Variants in ZNF91 observed in about 807,000 individuals in gnomAD.
ZNF91 encodes zinc finger protein 91 (HPF7, HTF10).
Under a neutral mutation model 12.6 loss-of-function variants are expected in ZNF91, and 7 were observed. The ratio of observed to expected loss-of-function variants is 0.55; its 90% CI spans 0.31 to 1.04. The LOEUF is 1.04. Among genes scored for constraint, ZNF91 ranks in the 50% least tolerant of loss-of-function variants. The pLI is 0.05. For synonymous variants in ZNF91, 453 were observed against 462.6 expected, an observed-to-expected ratio of 0.98 and a Z score of 0.27; for missense variants, 1,217 against 1,385.4, an observed-to-expected ratio of 0.88 and a Z score of 1.93.
intron 3 of ZNF91, among the ~76,000 whole-genome samples, chr19:23,363,327 C>T (rs147580326): frequency 8.5e-5 from 13 of 152,130 alleles, no homozygotes; most frequent in South Asian, 6.2e-4. Flanking sequence ...TGAAAGAAAC[C>T]GTGGCATAAT....
chr19:23,323,858 ATTC>A (rs1378225531), intron 1 of ZNF91: 3 of 101,110 alleles, frequency 3.0e-5, no homozygotes, highest in African/African-American at 9.0e-5. Context: ...TCCTCCTCCT[ATTC>A]TTCTCCTCTT....
chr19:23,362,107 T>C lies in ZNF91; in HGVS notation c.872A>G (p.Glu291Gly). 2.5e-6 allele frequency: 4 copies of C among 1,614,106 alleles called. No homozygotes were observed. Among genetic ancestry groups the C allele is most frequent in the Non-Finnish European group, 3.4e-6 (4 of 1,179,996 alleles). ...LTRHKRIHTGEKPYKCEECGK... is the reference protein window; with the variant it reads ...LTRHKRIHTGGKPYKCEECGK... ...ACATTCTTCACATTTGTAGGGTTTC[T>C]CTCCAGTGTGTATCCTCTTATGTCT... The change falls in exon 4 of 4, where the codon GAG (glutamate) becomes GGG (glycine). Residue 291 changes from glutamate to glycine, a missense_variant. Physicochemically the swap from Glu to Gly is moderately conservative, Grantham distance 98. Coordinates refer to ENST00000300619, the MANE Select transcript of ZNF91 (RefSeq NM_003430.4).
At chr19:23,325,494 T>C (rs1967818930) in intron 1 of ZNF91, 1 of 152,146 alleles carries the variant, frequency 6.6e-6, no homozygotes, top group African/African-American at 2.4e-5. Context: ...TATTTTCACT[T>C]ACAATTTTTC....
intron 1 of ZNF91, among the ~76,000 whole-genome samples, chr19:23,319,929 TC>T: frequency 6.6e-6 from 1 of 152,296 alleles, no homozygotes; most frequent in Non-Finnish European, 1.5e-5. Flanking sequence ...ATCCTGGGTG[TC>T]CTCTTTGTAC....
chr19:23,328,191 A>T (rs295411), intron 1 of ZNF91: 45,224 of 152,064 alleles, frequency 0.3, 7,151 homozygotes, highest in African/African-American at 0.4. Context: ...ATAGATCACA[A>T]TGAGAGAGAC....
At chr19:23,369,658 T>G (rs1482814148) in intron 3 of ZNF91, among the ~76,000 whole-genome samples, 1 of 152,190 alleles carries the variant, frequency 6.6e-6, no homozygotes, top group African/African-American at 2.4e-5. Flanking sequence ...TGTTCTGTAC[T>G]AAGAAAAATT....
At chr19:23,334,400 G>C (rs76396286), downstream of ZNF91, among the ~76,000 whole-genome samples, 2 of 152,114 alleles carry the variant, frequency 1.3e-5, no homozygotes, top group Non-Finnish European at 2.9e-5. Flanking sequence ...TAACGTTTTA[G>C]AAAGTTTAAG....
chr19:23,313,436 A>G (rs571547496), upstream of ZNF91, among the ~76,000 whole-genome samples: 1 of 152,204 alleles, frequency 6.6e-6, no homozygotes, highest in South Asian at 2.1e-4. Context: ...TCTTCTTTTT[A>G]TGTTCTTCCC....
chr19:23,375,278 G>A (rs1384661085), intron 1 of ZNF91, among the ~76,000 whole-genome samples: 1 of 151,962 alleles, frequency 6.6e-6, no homozygotes, highest in East Asian at 1.9e-4. Flanking sequence ...TCCTGCCTCA[G>A]CCTCCCGAGT....
chr19:23,315,383 A>G (rs1485814069), upstream of ZNF91, among the ~76,000 whole-genome samples: 1 of 152,154 alleles, frequency 6.6e-6, no homozygotes, highest in East Asian at 1.9e-4. Flanking sequence ...TAGAAGAGAT[A>G]GTGACGTATC....
At chr19:23,331,595 ATCT>A (rs557153226) in intron 1 of ZNF91, among the ~76,000 whole-genome samples, 382 of 152,312 alleles carry the variant, frequency 2.5e-3, no homozygotes, top group Non-Finnish European at 4.1e-3. Context: ...GTAGTCACTC[ATCT>A]TCTCCGTTTC....
intron 1 of ZNF91, among the ~76,000 whole-genome samples, chr19:23,321,160 C>T (rs1475750833): frequency 2.0e-5 from 3 of 152,104 alleles, no homozygotes; most frequent in Non-Finnish European, 4.4e-5. Context: ...TTGTGACATA[C>T]GCCTCAGCCA....
downstream of ZNF91, among the ~76,000 whole-genome samples, chr19:23,356,287 G>A (rs187951348): frequency 4.9e-4 from 75 of 152,140 alleles, no homozygotes; most frequent in African/African-American, 1.4e-3. Context: ...AGGAATTAAC[G>A]CGTGGGTAAA....
Position 23,361,414 on chromosome 19 carries a change from T to G in ZNF91, c.1565A>C (p.Glu522Ala). The G allele has an allele frequency of 3.7e-6, 6 of 1,613,690 alleles. No individual in the cohort carries two copies. Among genetic ancestry groups the G allele is most frequent in the Non-Finnish European group, 5.1e-6 (6 of 1,179,782 alleles). Residue 522 changes from glutamate (E) to alanine (A), a missense_variant, in exon 4 of 4, where the codon GAA becomes GCA. Around this residue, in one of 2 missense-constraint regions of ZNF91, gnomAD observed 726 missense variants for 895.5 expected, o/e 0.81. Transcript: ENST00000300619. ...HTGEKPYKFE[E>A]CGKAFRQSLT... ...GGATTGTCTAAAAGCTTTGCCACATTCTTCAAATTTGTAGGGTTTCTCTCC... is the reference window on the plus strand; with the variant it reads ...GGATTGTCTAAAAGCTTTGCCACATGCTTCAAATTTGTAGGGTTTCTCTCC...
intron 3 of ZNF91, among the ~76,000 whole-genome samples, chr19:23,370,900 A>G (rs1969251072): frequency 6.6e-6 from 1 of 152,244 alleles, no homozygotes; most frequent in African/African-American, 2.4e-5. Flanking sequence ...AGAAAAAATA[A>G]AGAATTATAA....
rs368801160 is a variant in ZNF91, at chr19:23,370,048, CTT to C, written c.253+3692_253+3693del. ...AAAACAAACAAACAAACAAACAAAA[CTT>C]ATATTGATTGTTGGTGGAAAGCAGG... On this transcript the variant is annotated intron_variant, in intron 3 of 3. Coordinates refer to ENST00000300619, the MANE Select transcript of ZNF91 (RefSeq NM_003430.4). 7.7e-5 allele frequency among the ~76,000 whole-genome samples: 11 copies of C among 142,554 alleles called. No homozygotes were observed. The East Asian group carries it at 1.1e-3, about 14-fold the overall frequency. 93.5% of individuals were successfully genotyped at this position (142,554 alleles called of 152,430 possible).
downstream of ZNF91, among the ~76,000 whole-genome samples, chr19:23,336,276 A>G (rs1265665072): frequency 6.6e-6 from 1 of 152,194 alleles, no homozygotes; most frequent in African/African-American, 2.4e-5. Context: ...TTTAATAGGC[A>G]AAAGAAAGAG....
In ZNF91 at chr19:23,362,578, A is replaced by G. The variant is rs773952424; in HGVS notation, c.401T>C (p.Val134Ala). 1.2e-6 allele frequency: 2 copies of G among 1,600,822 alleles called. No individual in the cohort carries two copies. The highest frequency in any genetic ancestry group is 1.7e-6 in the Non-Finnish European group (2 of 1,175,642). ...AAGTTTATTATAACCTTCTTTGTGC[A>G]CCTTACACTCATCCACACTTTTACA... ...KGCKSVDECKVHKEGYNKLNQ... is the reference protein window; with the variant it reads ...KGCKSVDECKAHKEGYNKLNQ... The change falls in exon 4 of 4, where the codon GTG (valine) becomes GCG (alanine). Residue 134 changes from valine to alanine, a missense_variant. Physicochemically the swap from Val to Ala is moderately conservative, Grantham distance 64. Around this residue, in one of 2 missense-constraint regions of ZNF91, gnomAD observed 726 missense variants for 895.5 expected, o/e 0.81. Coordinates refer to ENST00000300619, the MANE Select transcript of ZNF91 (RefSeq NM_003430.4).
chr19:23,351,206 T>C (rs1474611552), intron 3 of ZNF91, among the ~76,000 whole-genome samples: 2 of 151,716 alleles, frequency 1.3e-5, no homozygotes, highest in African/African-American at 2.4e-5. Flanking sequence ...ATGCCTGTAA[T>C]CCCAGCTACT....
Sources: gnomAD v4.1 joint callset for allele counts (sites outside exome capture counted in the v4.1 genomes callset) on GRCh38, gnomAD v4.1.1 for gene constraint, gnomAD v4.1.1 regional missense constraint, MANE v1.5 for transcripts, NCBI Gene and HGNC (gene_info 2026-07-23, HGNC 2026-07-21) for gene names.